The following NKAIN3 variants were observed in gnomAD, a reference collection of about 807,000 sequenced individuals.
The protein encoded by NKAIN3 is sodium/potassium transporting ATPase interacting 3.
A neutral mutation model predicts 30.2 loss-of-function variants in NKAIN3; 25 were observed. That is an observed-to-expected ratio of 0.83 (90% CI 0.60 to 1.16). The LOEUF is 1.16. Among genes scored for constraint, NKAIN3 ranks in the 50% most tolerant of loss-of-function variants. The pLI, the probability that NKAIN3 is intolerant of heterozygous loss-of-function variation, is 0.00. For missense variants in NKAIN3, 225 were observed against 254.1 expected, an observed-to-expected ratio of 0.89 and a Z score of 0.78; for synonymous variants, 91 against 89.6, an observed-to-expected ratio of 1.02 and a Z score of -0.09.
In NKAIN3 at chr8:62,819,535, GATTA is replaced by G. The variant is rs143094944; in HGVS notation, c.471+72410_471+72413del. 9.6e-4 allele frequency among the ~76,000 whole-genome samples: 146 copies of G among 152,108 alleles called. 1 individual carries two copies. The highest frequency in any genetic ancestry group is 3.4e-3 in the African/African-American group (142 of 41,514). On this transcript the variant is annotated intron_variant, in intron 4 of 6. Transcript: ENST00000623646. ...TTTATTCTGAGTCATAGATAGCATT[GATTA>G]ATTGTCTCAGTCATGGTAGTAATAT... is the stretch of plus-strand genomic sequence containing the variant.
intron 3 of NKAIN3, among the ~76,000 whole-genome samples, chr8:62,725,183 GA>G (rs1293530072): frequency 3.3e-5 from 5 of 151,918 alleles, no homozygotes; most frequent in Admixed American, 6.6e-5. Context: ...GTCTTCTTTT[GA>G]AAAAATATCT....
At chr8:62,727,607 C>G (rs1815300827) in intron 3 of NKAIN3, among the ~76,000 whole-genome samples, 1 of 152,020 alleles carries the variant, frequency 6.6e-6, no homozygotes, top group Non-Finnish European at 1.5e-5. Flanking sequence ...GTAGCACCCC[C>G]AAAATGAACT....
At chr8:62,475,685 A>G (rs1806496000) in intron 1 of NKAIN3, among the ~76,000 whole-genome samples, 1 of 152,192 alleles carries the variant, frequency 6.6e-6, no homozygotes, top group Non-Finnish European at 1.5e-5. Flanking sequence ...AAGATCCTAC[A>G]AGTGATTCTG....
At chr8:62,749,638 T>C (rs1816204232) in intron 4 of NKAIN3, among the ~76,000 whole-genome samples, 1 of 151,658 alleles carries the variant, frequency 6.6e-6, no homozygotes, top group Non-Finnish European at 1.5e-5. Flanking sequence ...ACTTATTTTA[T>C]ATGATTATGT....
chr8:62,778,298 C>A (rs746056665), intron 4 of NKAIN3, among the ~76,000 whole-genome samples: 2 of 152,136 alleles, frequency 1.3e-5, no homozygotes, highest in Non-Finnish European at 2.9e-5. Context: ...GCAGTGAGTT[C>A]CTGCAGTCCA....
Position 62,918,477 on chromosome 8 carries a change from T to C in NKAIN3, c.496T>C (p.Tyr166His), listed in dbSNP as rs1480164095. ...LSLVGFVYAC[Y>H]VISISMEEED... ...GTTGGTGGGTTTTGTGTATGCCTGT[T>C]ATGTGATCAGTATTTCCATGGAAGA... The change falls in exon 5 of 7, where the codon TAT becomes CAT. Residue 166 changes from tyrosine (Y) to histidine (H), a missense_variant. Transcript: ENST00000623646. The C allele has an allele frequency of 6.2e-7, 1 of 1,613,388 alleles. No homozygotes were observed. Among genetic ancestry groups the C allele is most frequent in the African/African-American group, 1.3e-5 (1 of 75,036 alleles).
intron 5 of NKAIN3, among the ~76,000 whole-genome samples, chr8:62,991,603 A>T (rs1824322341): frequency 6.6e-6 from 1 of 152,242 alleles, no homozygotes; most frequent in Admixed American, 6.5e-5. Context: ...CTTCCAGATT[A>T]TGTAGAAATG....
At chr8:62,723,381 A>T (rs73685509) in intron 3 of NKAIN3, among the ~76,000 whole-genome samples, 27,499 of 152,126 alleles carry the variant, frequency 0.18, 2,689 homozygotes, top group East Asian at 0.39. Flanking sequence ...ATGATTTATA[A>T]GTACACCAAA....
At chr8:62,837,955 T>C (rs1819418817) in intron 4 of NKAIN3, among the ~76,000 whole-genome samples, 1 of 152,076 alleles carries the variant, frequency 6.6e-6, no homozygotes, top group African/African-American at 2.4e-5. Flanking sequence ...TCTGGGTTTA[T>C]TATGTGCAAG....
At chr8:62,845,567 T>G (rs896636613) in intron 4 of NKAIN3, among the ~76,000 whole-genome samples, 3 of 151,952 alleles carry the variant, frequency 2.0e-5, no homozygotes, top group African/African-American at 7.3e-5. Flanking sequence ...AAATAACTGA[T>G]GTAGCTTACA....
chr8:62,740,280 G>A (rs909228028), intron 3 of NKAIN3, among the ~76,000 whole-genome samples: 4 of 152,074 alleles, frequency 2.6e-5, no homozygotes, highest in African/African-American at 9.7e-5. Context: ...TAAGATCAAA[G>A]CACACTCTGT....
chr8:62,978,122 C>T lies in NKAIN3; in HGVS notation c.*12715C>T. The T allele has an allele frequency of 6.3e-6, 1 of 159,698 alleles. No individual in the cohort carries two copies. The highest frequency in any genetic ancestry group is 1.3e-5 in the Non-Finnish European group (1 of 74,208). 9.9% of individuals were successfully genotyped at this position (159,698 alleles called of 1,614,324 possible). ...AGAGGGGCACCTGCCAGATGCTAGC[C>T]AGAGCTCTCCTGTATGAAGTGTCTG... On this transcript the variant is annotated 3_prime_UTR_variant, in exon 7 of 7. Coordinates refer to ENST00000623646, the MANE Select transcript of NKAIN3 (RefSeq NM_001304533.3).
chr8:62,485,885 A>G (rs1027761213), intron 1 of NKAIN3, among the ~76,000 whole-genome samples: 1 of 152,218 alleles, frequency 6.6e-6, no homozygotes, highest in Non-Finnish European at 1.5e-5. Context: ...CAGAAGATTG[A>G]CAGTGCATAA....
At chr8:62,315,193 A>G (rs571777815) in intron 1 of NKAIN3, among the ~76,000 whole-genome samples, 2 of 152,328 alleles carry the variant, frequency 1.3e-5, no homozygotes, top group East Asian at 1.9e-4. Context: ...TTATTTGAAA[A>G]AGCGACTACA....
chr8:62,549,346 G>C (rs76321028), intron 1 of NKAIN3, among the ~76,000 whole-genome samples: 3 of 151,996 alleles, frequency 2.0e-5, no homozygotes, highest in East Asian at 1.9e-4. Flanking sequence ...GGGATCGGAG[G>C]GGGGCCTGTT....
chr8:62,599,211 C>A (rs1221634230), intron 3 of NKAIN3, among the ~76,000 whole-genome samples: 1 of 152,030 alleles, frequency 6.6e-6, no homozygotes, highest in Non-Finnish European at 1.5e-5. Flanking sequence ...TGCCAGCCTG[C>A]CCTGCAGCAG....
chr8:62,821,276 G>T (rs894957902), intron 4 of NKAIN3, among the ~76,000 whole-genome samples: 1 of 152,110 alleles, frequency 6.6e-6, no homozygotes, highest in African/African-American at 2.4e-5. Context: ...ACAATGGTGG[G>T]TTTTATTTTA....
intron 3 of NKAIN3, among the ~76,000 whole-genome samples, chr8:62,690,726 C>T (rs1014966949): frequency 1.3e-5 from 2 of 152,168 alleles, no homozygotes; most frequent in Non-Finnish European, 2.9e-5. Flanking sequence ...GCACACATGC[C>T]ACATGAGCAA....
At chr8:62,381,850 G>A (rs1413012379) in intron 1 of NKAIN3, among the ~76,000 whole-genome samples, 1 of 152,120 alleles carries the variant, frequency 6.6e-6, no homozygotes, top group African/African-American at 2.4e-5. Context: ...TGCATGTATA[G>A]GCTACTTTTT....
Sources: allele counts gnomAD v4.1 joint callset (sites outside exome capture counted in the v4.1 genomes callset), GRCh38; gene constraint gnomAD v4.1.1; transcripts MANE v1.5; gene names NCBI Gene and HGNC (gene_info 2026-07-23, HGNC 2026-07-21).